The following SLC22A24 variants were observed in gnomAD, a reference collection of about 807,000 sequenced individuals.
The protein encoded by SLC22A24 is steroid transmembrane transporter SLC22A24.
In SLC22A24, 53 loss-of-function variants were observed where a neutral mutation model predicts 49.8. That is an observed-to-expected ratio of 1.06 (90% CI 0.85 to 1.34). SLC22A24 has a LOEUF of 1.34. Among genes scored for constraint, SLC22A24 ranks in the 40% most tolerant of loss-of-function variants. The probability of loss-of-function intolerance (pLI) is 0.00; values close to 1 mark genes in which losing one functional copy is unlikely to be tolerated. For synonymous variants in SLC22A24, 302 were observed against 256.4 expected (o/e 1.18, Z -1.70); for missense variants, 786 against 675.9 (o/e 1.16, Z -1.81).
chr11:63,083,155 T>C, intron 7 of SLC22A24, 88 bp downstream of exon 7: 3 of 1,078,146 alleles, frequency 2.8e-6, no homozygotes, highest in South Asian at 1.5e-5. Context: ...GGCAATGCTG[T>C]TCTTTTGGCA....
intron 5 of SLC22A24, among the ~76,000 whole-genome samples, chr11:63,101,170 C>G (rs1322362411): frequency 6.6e-6 from 1 of 151,906 alleles, no homozygotes; most frequent in Admixed American, 6.6e-5. Context: ...GATTAATAAC[C>G]AGAATATATA....
At chr11:63,126,708 A>C (rs2087293401) in intron 2 of SLC22A24, among the ~76,000 whole-genome samples, 1 of 152,206 alleles carries the variant, frequency 6.6e-6, no homozygotes, top group South Asian at 2.1e-4. Context: ...AGTCAGTGGT[A>C]GCTTGATGGG....
intron 4 of SLC22A24, among the ~76,000 whole-genome samples, chr11:63,105,526 G>T (rs957033249): frequency 6.6e-6 from 1 of 152,124 alleles, no homozygotes; most frequent in Non-Finnish European, 1.5e-5. Flanking sequence ...TCAATACCAC[G>T]TGGAAGCTGC....
chr11:63,134,571 A>C, intron 2 of SLC22A24, 94 bp downstream of exon 2: 1 of 723,168 alleles, frequency 1.4e-6, no homozygotes. Flanking sequence ...GCACAATGCA[A>C]AGTATACAGT....
chr11:63,106,201 C>T (rs191629624), intron 4 of SLC22A24, among the ~76,000 whole-genome samples: 219 of 150,742 alleles, frequency 1.5e-3, no homozygotes, highest in African/African-American at 4.8e-3. Flanking sequence ...TTTGTCCTTG[C>T]GATAGTTTGC....
intron 4 of SLC22A24, among the ~76,000 whole-genome samples, chr11:63,106,108 T>A (rs1410450101): frequency 2.5e-5 from 3 of 118,094 alleles, no homozygotes; most frequent in Admixed American, 2.4e-4. Flanking sequence ...CAGTCCCCGG[T>A]GTGTGATGTT....
chr11:63,096,192 C>CT, intron 5 of SLC22A24, 86 bp from the exon 6 acceptor site: 3 of 846,200 alleles, frequency 3.5e-6, no homozygotes, highest in Non-Finnish European at 5.7e-6. Flanking sequence ...ACAAGATAGA[C>CT]ATATTGTAAA....
intron 4 of SLC22A24, among the ~76,000 whole-genome samples, chr11:63,111,706 C>T (rs1313001660): frequency 6.6e-6 from 1 of 151,854 alleles, no homozygotes; most frequent in Non-Finnish European, 1.5e-5. Context: ...TCCCCTTTAT[C>T]ATTTTTTATT....
At chr11:63,124,199 G>A (rs1003696050) in intron 2 of SLC22A24, among the ~76,000 whole-genome samples, 2 of 151,964 alleles carry the variant, frequency 1.3e-5, no homozygotes, top group Admixed American at 6.6e-5. Flanking sequence ...AGGTGAGAAA[G>A]GGATACAGCA....
At position 63,099,411 on chromosome 11, in the gene SLC22A24, G is replaced by A. The variant is rs374984397; in HGVS notation, c.955-3305C>T. ...TTTTTTTTTTTTTTTGTAGAGATAGGGTCTATGTTGCCTAGGCTGGTCTTG... is the reference window on the plus strand; with the variant it reads ...TTTTTTTTTTTTTTTGTAGAGATAGAGTCTATGTTGCCTAGGCTGGTCTTG... On this transcript the variant is annotated intron_variant, in intron 5 of 9. Coordinates refer to ENST00000612278, the MANE Select transcript of SLC22A24 (RefSeq NM_001136506.2). Among the ~76,000 whole-genome samples, 73 of 75,088 alleles carry A rather than the reference G, an allele frequency of 9.7e-4. 2 individuals are homozygous for A. The South Asian group carries it at 0.016, about 16-fold the overall frequency. The allele number at this position is 75,088 out of a possible 152,430, so 49.3% of individuals were successfully genotyped here. A position where few individuals can be genotyped will look rare whatever the true frequency, so the allele number is the denominator to read the frequency against.
Position 63,115,996 on chromosome 11 carries a change from C to T in SLC22A24, c.830+2916G>A, listed in dbSNP as rs555864943. On this transcript the variant is annotated intron_variant, in intron 4 of 9. Transcript: ENST00000612278. Reference sequence around the variant, plus strand: ...GCCTTTGGCTGGCACTGCCCGAGCCCCTTGACAACATGGGCAAGAGCCTAC... The same window carrying T: ...GCCTTTGGCTGGCACTGCCCGAGCCTCTTGACAACATGGGCAAGAGCCTAC... 2.9e-4 allele frequency: 95 copies of T among 328,674 alleles called. 1 individual carries two copies. The highest frequency in any genetic ancestry group is 1.0e-3 in the Middle Eastern group (1 of 966). The allele number at this position is 328,674 out of a possible 1,614,324, so 20.4% of individuals were successfully genotyped here.
intron 2 of SLC22A24, among the ~76,000 whole-genome samples, chr11:63,132,104 T>C (rs1345661398): frequency 6.6e-6 from 1 of 152,232 alleles, no homozygotes; most frequent in Non-Finnish European, 1.5e-5. Flanking sequence ...ATCACAAAGT[T>C]CTCATGCTGT....
chr11:63,100,882 T>A (rs1322225086), intron 5 of SLC22A24, among the ~76,000 whole-genome samples: 10 of 151,978 alleles, frequency 6.6e-5, no homozygotes, highest in Admixed American at 6.6e-4. Context: ...TCTCACCATA[T>A]AAAAAATCAA....
chr11:63,121,018 G>T (rs748940157), intron 2 of SLC22A24, among the ~76,000 whole-genome samples: 1 of 152,058 alleles, frequency 6.6e-6, no homozygotes, highest in Non-Finnish European at 1.5e-5. Flanking sequence ...GGATAAATAG[G>T]TATATGTAGC....
chr11:63,080,862 A>G (rs1253180597), intron 9 of SLC22A24, 58 bp downstream of exon 9: 2 of 1,439,742 alleles, frequency 1.4e-6, no homozygotes, highest in East Asian at 5.0e-5. Context: ...CTTTCTCATT[A>G]AACAGCTACA....
At chr11:63,087,645 C>A (rs963407052) in intron 6 of SLC22A24, among the ~76,000 whole-genome samples, 1 of 152,354 alleles carries the variant, frequency 6.6e-6, no homozygotes, top group South Asian at 2.1e-4. Flanking sequence ...GAGTCCCACT[C>A]CCATGGAGCC....
intron 1 of SLC22A24, among the ~76,000 whole-genome samples, chr11:63,136,150 G>A (rs2087372810): frequency 6.6e-6 from 1 of 152,152 alleles, no homozygotes; most frequent in Non-Finnish European, 1.5e-5. Context: ...TGTAATGTGT[G>A]ATGAAAAGTA....
In SLC22A24 at chr11:63,085,874, T is replaced by C. The variant is rs961930536; in HGVS notation, c.1071-2417A>G. 3.3e-5 allele frequency among the ~76,000 whole-genome samples: 5 copies of C among 152,238 alleles called. No homozygotes were observed. The South Asian group carries it at 1.0e-3, about 31-fold the overall frequency. On this transcript the variant is annotated intron_variant, in intron 6 of 9. Coordinates refer to ENST00000612278, the MANE Select transcript of SLC22A24 (RefSeq NM_001136506.2). ...ATATATGAGCAGAATGCACATATTTTCTTTTGCTGGCTATCATATTAGCAC... is the reference window on the plus strand; with the variant it reads ...ATATATGAGCAGAATGCACATATTTCCTTTTGCTGGCTATCATATTAGCAC...
At chr11:63,131,555 C>A (rs567144337) in intron 2 of SLC22A24, among the ~76,000 whole-genome samples, 1 of 152,016 alleles carries the variant, frequency 6.6e-6, no homozygotes, top group Non-Finnish European at 1.5e-5. Context: ...TTTGGCGGGA[C>A]GTGAAATTCT....
Sources: allele counts gnomAD v4.1 joint callset (sites outside exome capture counted in the v4.1 genomes callset), GRCh38; gene constraint gnomAD v4.1.1; transcripts MANE v1.5; gene names NCBI Gene and HGNC (gene_info 2026-07-23, HGNC 2026-07-21).